ATP8A2: variants seen among roughly 807,000 people sequenced by gnomAD.
The protein encoded by ATP8A2 is ATPase phospholipid transporting 8A2.
In ATP8A2, 100 loss-of-function variants were observed where a neutral mutation model predicts 165.6. That is an observed-to-expected ratio of 0.60 (90% CI 0.51 to 0.71). ATP8A2 has a LOEUF of 0.71. Ranked by LOEUF, ATP8A2 falls within the 30% of genes least tolerant of loss-of-function variation. ATP8A2 has a pLI of 0.00. For synonymous variants in ATP8A2, 543 were observed against 548.8 expected (o/e 0.99, Z 0.15); for missense variants, 1,227 against 1,479.5 (o/e 0.83, Z 2.80).
intron 1 of ATP8A2, among the ~76,000 whole-genome samples, chr13:25,453,500 C>T (rs1057264523): frequency 6.6e-6 from 1 of 152,056 alleles, no homozygotes; most frequent in African/African-American, 2.4e-5. Flanking sequence ...CTTATGGCCT[C>T]GGGATTGGCT....
chr13:25,915,998 C>G (rs922072901), intron 33 of ATP8A2, among the ~76,000 whole-genome samples: 5 of 152,152 alleles, frequency 3.3e-5, no homozygotes, highest in African/African-American at 1.2e-4. Flanking sequence ...TAATTATTTA[C>G]TTAAACCCAT....
intron 11 of ATP8A2, among the ~76,000 whole-genome samples, chr13:25,552,550 C>T (rs981044561): frequency 4.6e-5 from 7 of 152,076 alleles, no homozygotes; most frequent in Middle Eastern, 3.4e-3. Flanking sequence ...TTACTAGTGT[C>T]CTTTGTTTTT....
At chr13:25,962,597 C>A (rs1243155432) in intron 34 of ATP8A2, among the ~76,000 whole-genome samples, 18 of 152,150 alleles carry the variant, frequency 1.2e-4, no homozygotes, top group Admixed American at 1.2e-3. Flanking sequence ...TGGGTCGACC[C>A]AATTTCTCCT....
chr13:25,618,270 G>T (rs936596612), intron 24 of ATP8A2, among the ~76,000 whole-genome samples: 1 of 152,120 alleles, frequency 6.6e-6, no homozygotes, highest in East Asian at 1.9e-4. Flanking sequence ...GGTTAGGAGT[G>T]CGTGTTTATA....
In ATP8A2 at chr13:26,022,520, A is replaced by G. The variant is rs536939603; in HGVS notation, c.*2535A>G. The G allele has an allele frequency of 6.6e-6, 1 of 152,380 alleles. No individual in the cohort carries two copies. Among genetic ancestry groups the G allele is most frequent in the South Asian group, 2.1e-4 (1 of 4,824 alleles). The allele number at this position is 152,380 out of a possible 1,614,324, so 9.4% of individuals were successfully genotyped here. ...CAATATTTGCAGTGATGACAGACGCACACAGAAGAAAACATTAGAAGAGAT... is the reference window on the plus strand; with the variant it reads ...CAATATTTGCAGTGATGACAGACGCGCACAGAAGAAAACATTAGAAGAGAT... On this transcript the variant is annotated 3_prime_UTR_variant, in exon 37 of 37. Coordinates refer to ENST00000381655, the MANE Select transcript of ATP8A2 (RefSeq NM_016529.6).
In ATP8A2 at chr13:25,638,172, A is replaced by C. The variant is rs553338119; in HGVS notation, c.2211+48473A>C. 2.4e-4 allele frequency among the ~76,000 whole-genome samples: 37 copies of C among 152,330 alleles called. 1 individual carries two copies. The South Asian group carries it at 7.5e-3, about 31-fold the overall frequency. ...AAGATGGGGAAAAAACAGAGCAGAAAAGCTGAAAATTCTAAAAATAAGAGC... is the reference window on the plus strand; with the variant it reads ...AAGATGGGGAAAAAACAGAGCAGAACAGCTGAAAATTCTAAAAATAAGAGC... On this transcript the variant is annotated intron_variant, in intron 24 of 36. Transcript: ENST00000381655.
intron 27 of ATP8A2, among the ~76,000 whole-genome samples, chr13:25,787,351 T>C (rs2045055374): frequency 6.6e-6 from 1 of 152,242 alleles, no homozygotes; most frequent in Admixed American, 6.5e-5. Flanking sequence ...TTCTACTCAA[T>C]ATAATGCATC....
chr13:25,727,673 A>G (rs538992158), intron 25 of ATP8A2, among the ~76,000 whole-genome samples: 15 of 152,358 alleles, frequency 9.8e-5, no homozygotes, highest in African/African-American at 3.1e-4. Context: ...ATGTTTTTCT[A>G]TATAATATTT....
At chr13:25,402,270 T>C (rs923862398) in intron 1 of ATP8A2, among the ~76,000 whole-genome samples, 1 of 152,182 alleles carries the variant, frequency 6.6e-6, no homozygotes, top group African/African-American at 2.4e-5. Context: ...GAATTTTTCA[T>C]TTAATATTTT....
chr13:25,594,160 C>T lies in ATP8A2; in HGVS notation c.2211+4461C>T, dbSNP rs184533879. Among the ~76,000 whole-genome samples the T allele has an allele frequency of 2.0e-5, 3 of 152,308 alleles. No individual in the cohort carries two copies. In the East Asian group the frequency reaches 5.8e-4, roughly 29 times the overall value. On this transcript the variant is annotated intron_variant, in intron 24 of 36. Coordinates refer to ENST00000381655, the MANE Select transcript of ATP8A2 (RefSeq NM_016529.6). ...TCTTGAGTAAGAGAATAAAAATCTA[C>T]AACTTTACCAGCAATTTATTTTTTA... is the stretch of plus-strand genomic sequence containing the variant.
chr13:25,830,252 G>A (rs930838531), intron 28 of ATP8A2, among the ~76,000 whole-genome samples: 14 of 151,948 alleles, frequency 9.2e-5, no homozygotes, highest in Admixed American at 6.6e-5. Flanking sequence ...GGCTCAAGCA[G>A]TCCTCCCTCC....
At chr13:25,918,627 A>G (rs1356783917) in intron 33 of ATP8A2, among the ~76,000 whole-genome samples, 1 of 152,202 alleles carries the variant, frequency 6.6e-6, no homozygotes, top group African/African-American at 2.4e-5. Context: ...AATTTGTCCT[A>G]GTTTGTGAAA....
chr13:25,480,955 A>G (rs1261785620), intron 2 of ATP8A2, among the ~76,000 whole-genome samples: 2 of 152,142 alleles, frequency 1.3e-5, no homozygotes, highest in African/African-American at 4.8e-5. Flanking sequence ...GGAGCTGGAG[A>G]CCAGCCCGGG....
At chr13:25,807,273 A>G (rs2138491799) in intron 27 of ATP8A2, among the ~76,000 whole-genome samples, 1 of 152,192 alleles carries the variant, frequency 6.6e-6, no homozygotes, top group Non-Finnish European at 1.5e-5. Flanking sequence ...GCCCAAGGTC[A>G]AAAAACTTTA....
intron 35 of ATP8A2, among the ~76,000 whole-genome samples, chr13:25,987,225 T>A (rs1956294406): frequency 6.6e-6 from 1 of 152,200 alleles, no homozygotes; most frequent in Admixed American, 6.5e-5. Flanking sequence ...GCCGTAAATC[T>A]TTTCACTGAC....
chr13:25,810,881 T>G (rs1199187625), intron 27 of ATP8A2, among the ~76,000 whole-genome samples: 1 of 152,184 alleles, frequency 6.6e-6, no homozygotes, highest in Non-Finnish European at 1.5e-5. Flanking sequence ...CCCATCAAAT[T>G]GTTGATGAAC....
At chr13:25,482,855 A>G (rs1382484625) in intron 2 of ATP8A2, among the ~76,000 whole-genome samples, 5 of 152,114 alleles carry the variant, frequency 3.3e-5, no homozygotes, top group Non-Finnish European at 7.3e-5. Flanking sequence ...TTCCACCATG[A>G]TTGTGAGGCT....
chr13:25,473,947 C>T (rs1272958076), intron 2 of ATP8A2, among the ~76,000 whole-genome samples: 3 of 152,164 alleles, frequency 2.0e-5, no homozygotes, highest in African/African-American at 7.2e-5. Context: ...TATGTCATCA[C>T]TATCAGACAT....
chr13:25,533,279 G>T lies in ATP8A2; in HGVS notation c.473G>T (p.Arg158Ile). 1 of 1,494,870 alleles carries T rather than the reference G, an allele frequency of 6.7e-7. No homozygotes were observed. The highest frequency in any genetic ancestry group is 1.2e-5 in the South Asian group (1 of 86,658). 92.6% of individuals were successfully genotyped at this position (1,494,870 alleles called of 1,614,324 possible). A position where few individuals can be genotyped will look rare whatever the true frequency, so the allele number is the denominator to read the frequency against. ...TTATTTTTCTCTTTTTCAGTGTTAA[G>T]AAATGGTATGTGGCATACCATTATG... ...AVNKKKTIVL[R>I]NGMWHTIMWK... is the part of the protein sequence containing the mutation. Residue 158 changes from arginine to isoleucine, a missense_variant, in exon 6 of 37, where the codon AGA becomes ATA. By Grantham distance (97) the Arg-to-Ile change is moderately conservative (BLOSUM62 -3). Coordinates refer to ENST00000381655, the MANE Select transcript of ATP8A2 (RefSeq NM_016529.6).
Sources: gnomAD v4.1 joint callset for allele counts (sites outside exome capture counted in the v4.1 genomes callset) on GRCh38, gnomAD v4.1.1 for gene constraint, MANE v1.5 for transcripts, NCBI Gene and HGNC (gene_info 2026-07-23, HGNC 2026-07-21) for gene names.